The following CDK14 variants were observed in gnomAD, a reference collection of about 807,000 sequenced individuals.
The protein encoded by CDK14 is cyclin dependent kinase 14.
Under a neutral mutation model 60.7 loss-of-function variants are expected in CDK14, and 34 were observed. The observed-to-expected ratio is 0.56, with a 90% confidence interval of 0.43 to 0.75. The LOEUF (loss-of-function observed/expected upper bound fraction) is 0.75, where lower values mean the gene tolerates loss of function less well. CDK14 is among the 30% of genes least tolerant of loss of function. CDK14 has a pLI of 0.00. For missense variants in CDK14, 482 were observed against 564.1 expected (o/e 0.85, Z 1.47); for synonymous variants, 197 against 203.7 (o/e 0.97, Z 0.28).
At chr7:90,997,139 C>T (rs943429334) in intron 10 of CDK14, among the ~76,000 whole-genome samples, 1 of 152,214 alleles carries the variant, frequency 6.6e-6, no homozygotes, top group Admixed American at 6.5e-5. Flanking sequence ...CTCTTGGTCT[C>T]TTTGCCCAAA....
chr7:90,980,790 G>T (rs802396), intron 9 of CDK14, among the ~76,000 whole-genome samples: 1 of 151,906 alleles, frequency 6.6e-6, no homozygotes. Flanking sequence ...GCAGATAAGA[G>T]CTTATAAAAA....
chr7:91,093,355 A>G (rs1273424680), intron 12 of CDK14, among the ~76,000 whole-genome samples: 2 of 152,190 alleles, frequency 1.3e-5, no homozygotes, highest in African/African-American at 4.8e-5. Context: ...TAGGCCAGAG[A>G]AACAGGAACC....
intron 10 of CDK14, among the ~76,000 whole-genome samples, chr7:91,010,578 T>A (rs1201402729): frequency 6.6e-6 from 1 of 152,118 alleles, no homozygotes; most frequent in Non-Finnish European, 1.5e-5. Context: ...AAATTGGTTT[T>A]TTTATATTCA....
chr7:90,792,025 C>T (rs1262563715), intron 5 of CDK14, among the ~76,000 whole-genome samples: 1 of 151,866 alleles, frequency 6.6e-6, no homozygotes, highest in Non-Finnish European at 1.5e-5. Context: ...GCCTCAGCCT[C>T]CTGCATAGCT....
chr7:90,933,882 T>G (rs1473308654), intron 8 of CDK14, among the ~76,000 whole-genome samples: 1 of 152,230 alleles, frequency 6.6e-6, no homozygotes, highest in Admixed American at 6.5e-5. Context: ...GAGAGTAGAT[T>G]GTCAACAAGG....
chr7:91,075,118 G>A (rs187444999), intron 11 of CDK14, among the ~76,000 whole-genome samples: 10 of 152,214 alleles, frequency 6.6e-5, no homozygotes, highest in African/African-American at 2.4e-4. Context: ...TGAAAAGGAG[G>A]GACTCCTTCC....
chr7:90,798,106 G>A (rs1788506981), intron 5 of CDK14, among the ~76,000 whole-genome samples: 1 of 151,660 alleles, frequency 6.6e-6, no homozygotes, highest in Non-Finnish European at 1.5e-5. Flanking sequence ...AAATAGTTGG[G>A]GCCTTGATCA....
intron 9 of CDK14, among the ~76,000 whole-genome samples, chr7:90,962,244 T>C (rs891262267): frequency 6.6e-6 from 1 of 152,180 alleles, no homozygotes; most frequent in African/African-American, 2.4e-5. Context: ...ACCAGCACTT[T>C]GGGAGGCCAA....
At chr7:90,817,745 A>G (rs1282260528) in intron 5 of CDK14, among the ~76,000 whole-genome samples, 1 of 152,196 alleles carries the variant, frequency 6.6e-6, no homozygotes, top group Non-Finnish European at 1.5e-5. Context: ...TACTTTCTAA[A>G]TGCCTTTGAT....
chr7:90,952,803 T>C (rs1304593978), intron 8 of CDK14, among the ~76,000 whole-genome samples: 1 of 152,212 alleles, frequency 6.6e-6, no homozygotes, highest in Non-Finnish European at 1.5e-5. Flanking sequence ...AAGAAAGCTT[T>C]CACACATGCT....
chr7:91,010,870 T>A, intron 10 of CDK14, among the ~76,000 whole-genome samples: 1 of 124,430 alleles, frequency 8.0e-6, no homozygotes, highest in African/African-American at 3.0e-5. Flanking sequence ...CCTCCCTCTC[T>A]CTCTTTCTTT....
chr7:90,688,422 A>T (rs944563615), intron 2 of CDK14, among the ~76,000 whole-genome samples: 6 of 152,192 alleles, frequency 3.9e-5, no homozygotes, highest in Non-Finnish European at 8.8e-5. Flanking sequence ...TCTTAGGGTC[A>T]TAATTAGCCT....
intron 3 of CDK14, among the ~76,000 whole-genome samples, chr7:90,729,999 T>C (rs926755470): frequency 6.6e-6 from 1 of 152,122 alleles, no homozygotes; most frequent in Non-Finnish European, 1.5e-5. Context: ...ACATTAGATA[T>C]TTCTCCTAAT....
intron 12 of CDK14, among the ~76,000 whole-genome samples, chr7:91,090,438 C>T (rs949666141): frequency 1.3e-5 from 2 of 152,200 alleles, no homozygotes; most frequent in Admixed American, 1.3e-4. Context: ...TAAAATGTGG[C>T]TAGTGCAATT....
chr7:90,668,699 CT>C (rs59773768), intron 2 of CDK14, among the ~76,000 whole-genome samples: 2,815 of 85,306 alleles, frequency 0.033, 6 homozygotes, highest in Non-Finnish European at 0.047. Context: ...GACTCGCATT[CT>C]TTTTTTTTTT....
intron 12 of CDK14, among the ~76,000 whole-genome samples, chr7:91,082,896 G>A (rs192219949): frequency 3.3e-5 from 5 of 152,088 alleles, no homozygotes; most frequent in Non-Finnish European, 5.9e-5. Context: ...CAGAGAATTC[G>A]CAACAAACTG....
chr7:90,839,319 C>A (rs992684580), intron 5 of CDK14, among the ~76,000 whole-genome samples: 1 of 152,176 alleles, frequency 6.6e-6, no homozygotes, highest in Non-Finnish European at 1.5e-5. Flanking sequence ...TATGGCTTGG[C>A]CTCCAGGGTT....
chr7:91,083,876 C>T (rs1050445804), intron 12 of CDK14, among the ~76,000 whole-genome samples: 2 of 152,112 alleles, frequency 1.3e-5, no homozygotes, highest in Non-Finnish European at 2.9e-5. Context: ...TTGCCAAAGG[C>T]CTAGCCCTGA....
chr7:91,138,532 A>G (rs1198445109), intron 14 of CDK14, among the ~76,000 whole-genome samples: 1 of 152,178 alleles, frequency 6.6e-6, no homozygotes, highest in East Asian at 1.9e-4. Flanking sequence ...TCAAGGGTGA[A>G]AAAGCAATAG....
Sources: gnomAD v4.1 joint callset for allele counts (sites outside exome capture counted in the v4.1 genomes callset) on GRCh38, gnomAD v4.1.1 for gene constraint, MANE v1.5 for transcripts, NCBI Gene and HGNC (gene_info 2026-07-23, HGNC 2026-07-21) for gene names.